Variants in ATP11A observed in about 807,000 individuals in gnomAD.
ATP11A encodes ATPase phospholipid transporting 11A.
Under a neutral mutation model 154.4 loss-of-function variants are expected in ATP11A, and 81 were observed. The ratio of observed to expected loss-of-function variants is 0.52; its 90% CI spans 0.44 to 0.63. The LOEUF (loss-of-function observed/expected upper bound fraction) is 0.63. Ranked by LOEUF, ATP11A falls within the 30% of genes least tolerant of loss-of-function variation. The pLI is 0.00. For missense variants in ATP11A, 1,316 were observed against 1,474.3 expected (o/e 0.89, Z 1.76); for synonymous variants, 623 against 585.9 (o/e 1.06, Z -0.91).
At chr13:112,702,587 G>A (rs965198684) in intron 1 of ATP11A, among the ~76,000 whole-genome samples, 3 of 152,214 alleles carry the variant, frequency 2.0e-5, no homozygotes, top group Admixed American at 6.5e-5. Context: ...TTGTGCGTGC[G>A]TCTCTCTGGG....
At position 112,746,313 on chromosome 13, in the gene ATP11A, C is replaced by A. The variant is rs75211083; in HGVS notation, c.40-38822C>A. 14 of 131,300 alleles carry A rather than the reference C, an allele frequency of 1.1e-4. No homozygotes were observed. Among genetic ancestry groups the A allele is most frequent in the African/African-American group, 4.2e-4 (13 of 30,750 alleles). The allele number at this position is 131,300 out of a possible 1,614,324, so 8.1% of individuals were successfully genotyped here. A position where few individuals can be genotyped will look rare whatever the true frequency, so the allele number is the denominator to read the frequency against. ...ACACTTGCACCAACAGTGCACAGGGCTCCGGTTCCCCACGTCCTCACCGGG... is the reference window on the plus strand; with the variant it reads ...ACACTTGCACCAACAGTGCACAGGGATCCGGTTCCCCACGTCCTCACCGGG... On this transcript the variant is annotated intron_variant, in intron 1 of 29. Coordinates refer to ENST00000375645, the MANE Select transcript of ATP11A (RefSeq NM_015205.3). The surrounding 1 kb of genome is among the most constrained non-coding windows in gnomAD (Gnocchi z 4.1).
In ATP11A at chr13:112,883,214, G is replaced by A. The variant is rs754545571; in HGVS notation, c.*1348G>A. The A allele has an allele frequency of 2.5e-6, 1 of 398,718 alleles. No individual in the cohort carries two copies. The highest frequency in any genetic ancestry group is 4.4e-6 in the Non-Finnish European group (1 of 226,182). 24.7% of individuals were successfully genotyped at this position (398,718 alleles called of 1,614,324 possible). A position where few individuals can be genotyped will look rare whatever the true frequency, so the allele number is the denominator to read the frequency against. ...AGGGCTCTCCTTCGTCTTAGGATCTGTCCAGCGCTGCTCTGGGTGGGTTAG... is the reference window on the plus strand; with the variant it reads ...AGGGCTCTCCTTCGTCTTAGGATCTATCCAGCGCTGCTCTGGGTGGGTTAG... On this transcript the variant is annotated 3_prime_UTR_variant, in exon 30 of 30. Coordinates refer to ENST00000375645, the MANE Select transcript of ATP11A (RefSeq NM_015205.3).
chr13:112,768,704 T>G (rs960808857), intron 1 of ATP11A, among the ~76,000 whole-genome samples: 1 of 152,204 alleles, frequency 6.6e-6, no homozygotes, highest in Non-Finnish European at 1.5e-5. Context: ...TCTGGCTAAT[T>G]CATCTTTAGA....
chr13:112,719,801 G>T (rs1049942234), intron 1 of ATP11A, among the ~76,000 whole-genome samples: 6 of 152,196 alleles, frequency 3.9e-5, no homozygotes, highest in Non-Finnish European at 8.8e-5. Context: ...CCATTTTGGT[G>T]ACGTGGCATT....
At chr13:112,782,565 G>A (rs1282435667) in intron 1 of ATP11A, among the ~76,000 whole-genome samples, 1 of 152,270 alleles carries the variant, frequency 6.6e-6, no homozygotes, top group Non-Finnish European at 1.5e-5. Context: ...ATAGGCAGCA[G>A]TTTATTTATG....
chr13:112,751,590 G>A (rs559642480), intron 1 of ATP11A, among the ~76,000 whole-genome samples: 1 of 152,180 alleles, frequency 6.6e-6, no homozygotes, highest in East Asian at 1.9e-4. Flanking sequence ...AACCCGGAAG[G>A]TGGAGGTTGC....
intron 9 of ATP11A, 57 bp from the exon 10 acceptor site, chr13:112,824,287 C>G: frequency 7.3e-7 from 1 of 1,370,212 alleles, no homozygotes; most frequent in Non-Finnish European, 1.0e-6. Flanking sequence ...GTGTAACTCA[C>G]CATAAGGCAA....
chr13:112,802,893 A>C (rs936733073), intron 2 of ATP11A, among the ~76,000 whole-genome samples: 4 of 152,218 alleles, frequency 2.6e-5, no homozygotes, highest in African/African-American at 9.6e-5. Flanking sequence ...GGTATCAAAC[A>C]ACACATGGAA....
chr13:112,796,361 T>C (rs1177497129), intron 2 of ATP11A, among the ~76,000 whole-genome samples: 1 of 152,184 alleles, frequency 6.6e-6, no homozygotes, highest in East Asian at 1.9e-4. Flanking sequence ...GCCAAACAGC[T>C]GACATTAAAA....
At chr13:112,775,547 G>A (rs2077327477) in intron 1 of ATP11A, among the ~76,000 whole-genome samples, 1 of 152,174 alleles carries the variant, frequency 6.6e-6, no homozygotes, top group African/African-American at 2.4e-5. Context: ...TAAAAAGAAG[G>A]AGGCGAATAC....
rs751486329 is a variant in ATP11A, at chr13:112,785,216, A to T, written c.121A>T (p.Ile41Phe). ...GCCACCTCCGGGCGCAGAGGCCTAC[A>T]TCCCACAGAGATACCCAGACAACAG... ...REPPPGAEAY[I>F]PQRYPDNRIV... The change falls in exon 2 of 30, where the codon ATC becomes TTC. Residue 41 changes from isoleucine to phenylalanine, a missense_variant. Physicochemically the swap from Ile to Phe is conservative, Grantham distance 21. This residue lies in a region of ATP11A where 123 missense variants were observed against 113.7 expected (regional missense o/e 1.08). Coordinates refer to ENST00000375645, the MANE Select transcript of ATP11A (RefSeq NM_015205.3). The surrounding 1 kb of genome is among the most constrained non-coding windows in gnomAD (Gnocchi z 4.8). 6 of 1,571,944 alleles carry T rather than the reference A, an allele frequency of 3.8e-6. No homozygotes were observed. The highest frequency in any genetic ancestry group is 1.4e-5 in the African/African-American group (1 of 72,656).
intron 1 of ATP11A, among the ~76,000 whole-genome samples, chr13:112,726,288 G>T (rs1889881789): frequency 6.6e-6 from 1 of 151,232 alleles, no homozygotes; most frequent in African/African-American, 2.4e-5. Flanking sequence ...CAGTCTGTGT[G>T]CAGGGAGAGG....
Position 112,762,911 on chromosome 13 carries a change from G to A in ATP11A, c.40-22224G>A, listed in dbSNP as rs1278410694. 3.3e-5 allele frequency among the ~76,000 whole-genome samples: 5 copies of A among 152,364 alleles called. No homozygotes were observed. The East Asian group carries it at 9.6e-4, about 29-fold the overall frequency. ...TGCGCGGCTCCTGAGCTCTGAGTGA[G>A]GCAGACGGTGGCAGTGACCCATCCT... On this transcript the variant is annotated intron_variant, in intron 1 of 29. Transcript: ENST00000375645.
chr13:112,878,417 G>A, intron 29 of ATP11A, 114 bp downstream of exon 29: 6 of 1,126,692 alleles, frequency 5.3e-6, no homozygotes, highest in Non-Finnish European at 6.6e-6. Context: ...ACCAGGCGCT[G>A]GGTACAGCAG....
intron 28 of ATP11A, among the ~76,000 whole-genome samples, 186 bp from the exon 29 acceptor site, chr13:112,878,031 G>A (rs1219193929): frequency 1.3e-5 from 2 of 152,222 alleles, no homozygotes; most frequent in Non-Finnish European, 2.9e-5. Flanking sequence ...GTCACGGTGG[G>A]GGGCACCAGT....
chr13:112,816,306 A>C, intron 6 of ATP11A, 95 bp downstream of exon 6: 1 of 1,529,442 alleles, frequency 6.5e-7, no homozygotes, highest in Non-Finnish European at 8.9e-7. Flanking sequence ...CCTGTTTGAA[A>C]AGTCACCGTT....
chr13:112,693,224 C>T (rs780149415), intron 1 of ATP11A, among the ~76,000 whole-genome samples: 10 of 152,272 alleles, frequency 6.6e-5, no homozygotes, highest in South Asian at 4.1e-4. Flanking sequence ...CGGAGCCATG[C>T]AGAGATACTT....
At position 112,859,135 on chromosome 13, in the gene ATP11A, T is replaced by C; in HGVS notation, c.2668-258T>C. 1 of 499,104 alleles carries C rather than the reference T, an allele frequency of 2.0e-6. No individual in the cohort carries two copies. The highest frequency in any genetic ancestry group is 3.7e-6 in the Non-Finnish European group (1 of 272,724). The allele number at this position is 499,104 out of a possible 1,614,324, so 30.9% of individuals were successfully genotyped here. A position where few individuals can be genotyped will look rare whatever the true frequency, so the allele number is the denominator to read the frequency against. ...ATTCTTTCCCGTTTATACTGATACC[T>C]GCATTGCCTTCTTGTTTCTCTTGGA... On this transcript the variant is annotated intron_variant, in intron 22 of 29. Coordinates refer to ENST00000375645, the MANE Select transcript of ATP11A (RefSeq NM_015205.3). The surrounding 1 kb of genome is among the most constrained non-coding windows in gnomAD (Gnocchi z 4.3).
chr13:112,792,370 G>A (rs2077884300), intron 2 of ATP11A, among the ~76,000 whole-genome samples: 1 of 152,162 alleles, frequency 6.6e-6, no homozygotes, highest in African/African-American at 2.4e-5. Flanking sequence ...GTTTACGACT[G>A]ATTTTGGAGA....
Sources: allele counts gnomAD v4.1 joint callset (sites outside exome capture counted in the v4.1 genomes callset), GRCh38; gene constraint gnomAD v4.1.1; regional missense constraint gnomAD v4.1.1; non-coding constraint Gnocchi (gnomAD v3.1); transcripts MANE v1.5; gene names NCBI Gene and HGNC (gene_info 2026-07-23, HGNC 2026-07-21).